Variants in SMDT1 observed in about 807,000 individuals in gnomAD.
SMDT1 encodes single-pass membrane protein with aspartate rich tail 1, also known as essential MCU regulator, mitochondrial.
SMDT1 carries 6 observed loss-of-function variants against 5.9 expected under a neutral mutation model. The ratio of observed to expected loss-of-function variants is 1.03; its 90% CI spans 0.56 to 2.02. The LOEUF (loss-of-function observed/expected upper bound fraction) is 2.02. Among genes scored for constraint, SMDT1 ranks in the 30% most tolerant of loss-of-function variants. The probability of loss-of-function intolerance (pLI) is 0.00; values close to 1 mark genes in which losing one functional copy is unlikely to be tolerated. For synonymous variants in SMDT1, 81 were observed against 62.4 expected, an observed-to-expected ratio of 1.30 and a Z score of -1.40; for missense variants, 159 against 145.6, an observed-to-expected ratio of 1.09 and a Z score of -0.47.
intron 2 of SMDT1, 73 bp from the exon 3 acceptor site, chr22:42,083,046 T>C (rs1927904317): frequency 6.6e-6 from 1 of 152,334 alleles, no homozygotes. Context: ...AGAAGCACTT[T>C]GTGGAATTCT....
intron 1 of SMDT1, among the ~76,000 whole-genome samples, chr22:42,080,757 GA>G (rs941316151): frequency 9.9e-5 from 15 of 152,118 alleles, no homozygotes; most frequent in South Asian, 2.1e-4. Context: ...CAAAACAGTT[GA>G]AAAAAAAATT....
chr22:42,082,922 G>A (rs1356116644), intron 2 of SMDT1, among the ~76,000 whole-genome samples, 197 bp from the exon 3 acceptor site: 1 of 152,174 alleles, frequency 6.6e-6, no homozygotes, highest in Non-Finnish European at 1.5e-5. Flanking sequence ...TGCTGGCAGG[G>A]GACGTTTTTT....
intron 2 of SMDT1, 116 bp downstream of exon 2, chr22:42,082,181 C>A: frequency 1.5e-6 from 2 of 1,311,394 alleles, no homozygotes; most frequent in Non-Finnish European, 2.1e-6. Context: ...AATGAATTGG[C>A]CCACTTGGTG....
intron 2 of SMDT1, 94 bp downstream of exon 2, chr22:42,082,159 G>C: frequency 6.7e-7 from 1 of 1,496,646 alleles, no homozygotes; most frequent in Non-Finnish European, 9.1e-7. Context: ...GGACACTGGG[G>C]GCAGAAGCAT....
intron 1 of SMDT1, 88 bp from the exon 2 acceptor site, chr22:42,081,837 G>A (rs953915248): frequency 3.3e-5 from 50 of 1,509,944 alleles, no homozygotes; most frequent in Non-Finnish European, 4.4e-5. Context: ...TGATGGGTCT[G>A]AGGGTATGTC....
At chr22:42,080,069 T>C (rs1927659105) in intron 1 of SMDT1, 115 bp downstream of exon 1, 32 of 1,192,388 alleles carry the variant, frequency 2.7e-5, no homozygotes, top group Non-Finnish European at 3.6e-5. Flanking sequence ...TACCGTAGAC[T>C]GGAAGGCGGA....
chr22:42,081,332 A>AT (rs1491281737), intron 1 of SMDT1, among the ~76,000 whole-genome samples: 1 of 151,134 alleles, frequency 6.6e-6, no homozygotes, highest in Admixed American at 6.6e-5. Context: ...CACCCGGCTA[A>AT]TTTTTTGTAT....
intron 1 of SMDT1, among the ~76,000 whole-genome samples, chr22:42,081,670 C>T (rs1927793546): frequency 6.6e-6 from 1 of 151,440 alleles, no homozygotes; most frequent in Admixed American, 6.6e-5. Flanking sequence ...CCATGTTGGC[C>T]AGGCTGGTCT....
Position 42,082,180 on chromosome 22 carries a change from G to T in SMDT1, c.*3+115G>T, listed in dbSNP as rs964481247. ...TGGGGGCAGAAGCATTAATGAATTG[G>T]CCCACTTGGTGGCTAATGTTTTCGT... On this transcript the variant is annotated intron_variant, in intron 2 of 2. Coordinates refer to ENST00000331479, the MANE Select transcript of SMDT1 (RefSeq NM_033318.5). The T allele has an allele frequency of 3.8e-5, 51 of 1,334,896 alleles. No homozygotes were observed. In the South Asian group the frequency reaches 6.3e-4, roughly 16 times the overall value. 82.7% of individuals were successfully genotyped at this position (1,334,896 alleles called of 1,614,324 possible).
chr22:42,079,997 T>G (rs777887189), intron 1 of SMDT1, 43 bp downstream of exon 1: 1 of 1,573,950 alleles, frequency 6.4e-7, no homozygotes, highest in South Asian at 1.2e-5. Flanking sequence ...CTGAGGCCAA[T>G]CATTGTGGGG....
intron 1 of SMDT1, among the ~76,000 whole-genome samples, chr22:42,080,172 C>T (rs535741556): frequency 1.3e-4 from 20 of 152,266 alleles, no homozygotes; most frequent in African/African-American, 4.8e-4. Context: ...GGAAGTTGGC[C>T]TTTTACATTA....
rs1927604757 is a variant in SMDT1, at chr22:42,079,796, GTAT to G, written c.30_32del (p.Leu11del). 6.2e-7 allele frequency: 1 copy of G among 1,610,212 alleles called. No homozygotes were observed. Among genetic ancestry groups the G allele is most frequent in the African/African-American group, 1.3e-5 (1 of 74,926 alleles). On this transcript the variant is annotated inframe_deletion, in exon 1 of 3. Coordinates refer to ENST00000331479, the MANE Select transcript of SMDT1 (RefSeq NM_033318.5). The stretch of plus-strand genomic sequence containing the variant: ...GGCGTCCGGAGCGGCTCGCTGGCTA[GTAT>G]TGGCACCCGTCAGGTCCGGGGCTCT...
rs1373241507 is a variant in SMDT1 at position 42,082,074 on chromosome 22, T to A, written c.*3+9T>A. ...ATGATGATGACTAACAGGTAAGACT[T>A]GCTTTACCCTAGATGGAGCAGGAAG... is the stretch of plus-strand genomic sequence containing the variant. On this transcript the variant is annotated intron_variant, in intron 2 of 2. Transcript: ENST00000331479. The A allele has an allele frequency of 6.2e-7, 1 of 1,608,930 alleles. No homozygotes were observed. Among genetic ancestry groups the A allele is most frequent in the South Asian group, 1.1e-5 (1 of 91,092 alleles).
Position 42,079,969 on chromosome 22 carries a change from G to A in SMDT1, c.186+15G>A, listed in dbSNP as rs201870980. ...AACCGGTGAAAGTGAGTGTCCTCCT[G>A]GAGACGGGGCGAAGGGGCTGAGGCC... is the stretch of plus-strand genomic sequence containing the variant. On this transcript the variant is annotated intron_variant, in intron 1 of 2. Transcript: ENST00000331479. 98 of 1,604,948 alleles carry A rather than the reference G, an allele frequency of 6.1e-5. No individual in the cohort carries two copies. Among genetic ancestry groups the A allele is most frequent in the Non-Finnish European group, 7.6e-5 (89 of 1,174,766 alleles).
chr22:42,080,322 CTG>C (rs753747886), intron 1 of SMDT1, among the ~76,000 whole-genome samples: 2 of 152,156 alleles, frequency 1.3e-5, no homozygotes, highest in African/African-American at 4.8e-5. Flanking sequence ...TGAAAGGACT[CTG>C]TAAATAAAGG....
intron 1 of SMDT1, among the ~76,000 whole-genome samples, chr22:42,081,042 G>A (rs1398104003): frequency 6.6e-6 from 1 of 152,182 alleles, no homozygotes. Flanking sequence ...TGGTGCACCC[G>A]ATTGCCTGTA....
rs752738543 is a variant in SMDT1, at chr22:42,080,009, G to A, written c.186+55G>A. ...GGGCTGAGGCCAATCATTGTGGGGA[G>A]TGCGTGAGGGCGGCGCTGATTGATA... On this transcript the variant is annotated intron_variant, in intron 1 of 2. Coordinates refer to ENST00000331479, the MANE Select transcript of SMDT1 (RefSeq NM_033318.5). The A allele has an allele frequency of 7.2e-6, 11 of 1,533,696 alleles. No homozygotes were observed. In the African/African-American group the frequency reaches 8.3e-5, roughly 12 times the overall value.
intron 2 of SMDT1, among the ~76,000 whole-genome samples, chr22:42,082,877 A>C (rs1291101930): frequency 1.3e-5 from 2 of 152,180 alleles, no homozygotes; most frequent in African/African-American, 4.8e-5. Context: ...GGCTAAACAC[A>C]CACAAAGCAA....
Position 42,081,975 on chromosome 22 carries a change from T to C in SMDT1, c.237T>C (p.Tyr79=), listed in dbSNP as rs563098148. Residue 79 remains tyrosine, a synonymous_variant, in exon 2 of 3, where the codon TAT becomes TAC. Coordinates refer to ENST00000331479, the MANE Select transcript of SMDT1 (RefSeq NM_033318.5). Reference sequence around the variant, plus strand: ...TCTCCATTGTGATCCCCTTTCTCTATGTCGGGACACTCATTAGCAAGAACT... The same window carrying C: ...TCTCCATTGTGATCCCCTTTCTCTACGTCGGGACACTCATTAGCAAGAACT... The part of the protein sequence containing the change: ...RVFSIVIPFL[Y]VGTLISKNFA... The C allele has an allele frequency of 1.2e-6, 2 of 1,614,158 alleles. No individual in the cohort carries two copies. Among genetic ancestry groups the C allele is most frequent in the South Asian group, 1.1e-5 (1 of 91,084 alleles).
Sources: allele counts gnomAD v4.1 joint callset (sites outside exome capture counted in the v4.1 genomes callset), GRCh38; gene constraint gnomAD v4.1.1; transcripts MANE v1.5; gene names NCBI Gene and HGNC (gene_info 2026-07-23, HGNC 2026-07-21).